The following NKAIN3 variants were observed in gnomAD, a reference collection of about 807,000 sequenced individuals.
NKAIN3 encodes the protein sodium/potassium transporting ATPase interacting 3, also known as sodium/potassium-transporting ATPase subunit beta-1-interacting protein 3.
In NKAIN3, 25 loss-of-function variants were observed where a neutral mutation model predicts 30.2. That is an observed-to-expected ratio of 0.83 (90% confidence interval 0.60 to 1.16). The LOEUF is 1.16. Among genes scored for constraint, NKAIN3 ranks in the 50% most tolerant of loss-of-function variants. The probability of loss-of-function intolerance (pLI) is 0.00; values close to 1 mark genes in which losing one functional copy is unlikely to be tolerated. For missense variants in NKAIN3, 225 were observed against 254.1 expected (o/e 0.89, Z 0.78); for synonymous variants, 91 against 89.6 (o/e 1.02, Z -0.09).
chr8:62,768,029 A>G (rs752203936), intron 4 of NKAIN3, among the ~76,000 whole-genome samples: 51 of 152,286 alleles, frequency 3.3e-4, no homozygotes, highest in Non-Finnish European at 5.7e-4. Flanking sequence ...AACTCACATT[A>G]TATTTCTATT....
At position 62,976,486 on chromosome 8, in the gene NKAIN3, A is replaced by G. The variant is rs1312045429; in HGVS notation, c.*11079A>G. ...TTTTTGTTGGCTTAAAGTCTGTTTT[A>G]CCAGAGGCTAAGATTGCAACCCCTG... On this transcript the variant is annotated 3_prime_UTR_variant, in exon 7 of 7. Transcript: ENST00000623646. Among the ~76,000 whole-genome samples the G allele has an allele frequency of 2.0e-5, 3 of 152,050 alleles. No homozygotes were observed. The East Asian group carries it at 5.8e-4, about 29-fold the overall frequency.
chr8:62,922,165 C>T (rs913788135), intron 5 of NKAIN3, among the ~76,000 whole-genome samples: 9 of 152,110 alleles, frequency 5.9e-5, no homozygotes, highest in Admixed American at 2.0e-4. Context: ...AAACATTTGA[C>T]CCTTGCTATT....
At chr8:62,804,144 C>A (rs1224840632) in intron 4 of NKAIN3, among the ~76,000 whole-genome samples, 1 of 152,132 alleles carries the variant, frequency 6.6e-6, no homozygotes, top group East Asian at 1.9e-4. Flanking sequence ...CAAAAAGAGT[C>A]CAGGACCAGA....
Position 62,782,990 on chromosome 8 carries a change from AC to A in NKAIN3, c.471+35865del, listed in dbSNP as rs200076572. Among the ~76,000 whole-genome samples, 26 of 152,054 alleles carry A rather than the reference AC, an allele frequency of 1.7e-4. No homozygotes were observed. In the East Asian group the frequency reaches 4.6e-3, roughly 27 times the overall value. The stretch of plus-strand genomic sequence containing the variant: ...AGAAATGATACTCAAGGTGATAGAT[AC>A]CCCAAATGCTGACTTGATCATTAAA... On this transcript the variant is annotated intron_variant, in intron 4 of 6. Transcript: ENST00000623646.
chr8:62,929,400 T>C (rs1337719949), intron 5 of NKAIN3, among the ~76,000 whole-genome samples: 1 of 152,258 alleles, frequency 6.6e-6, no homozygotes, highest in Non-Finnish European at 1.5e-5. Flanking sequence ...CTTTGCTCTA[T>C]ATTTGCCTCC....
At chr8:62,728,672 C>CA (rs994356983) in intron 3 of NKAIN3, among the ~76,000 whole-genome samples, 25 of 147,480 alleles carry the variant, frequency 1.7e-4, no homozygotes, top group Middle Eastern at 4.1e-3. Flanking sequence ...TCTCAAAAAA[C>CA]AAAAAAACAA....
chr8:62,397,517 G>C (rs1298006311), intron 1 of NKAIN3, among the ~76,000 whole-genome samples: 1 of 152,072 alleles, frequency 6.6e-6, no homozygotes, highest in Non-Finnish European at 1.5e-5. Flanking sequence ...AATAGAGGTT[G>C]CCTCTAATTG....
chr8:62,942,421 A>G (rs987881774), intron 5 of NKAIN3, among the ~76,000 whole-genome samples: 4 of 151,610 alleles, frequency 2.6e-5, no homozygotes, highest in Non-Finnish European at 5.9e-5. Context: ...ATGGATGCAT[A>G]GAATCAATAT....
chr8:62,869,453 G>C (rs1820524406), intron 4 of NKAIN3, among the ~76,000 whole-genome samples: 1 of 152,158 alleles, frequency 6.6e-6, no homozygotes, highest in Non-Finnish European at 1.5e-5. Flanking sequence ...GTGTTAGTTT[G>C]CTTTTAAAAT....
chr8:62,750,606 C>T (rs1316288501), intron 4 of NKAIN3, among the ~76,000 whole-genome samples: 3 of 152,234 alleles, frequency 2.0e-5, no homozygotes, highest in East Asian at 1.9e-4. Context: ...GGGGGTGCCA[C>T]GTGCATCCTC....
intron 1 of NKAIN3, among the ~76,000 whole-genome samples, chr8:62,269,930 T>C (rs77844777): frequency 0.014 from 2,200 of 152,334 alleles, 48 homozygotes; most frequent in African/African-American, 0.048. Context: ...AAAATTTCCA[T>C]GTACTTTCCT....
At chr8:62,801,095 G>C (rs1227979389) in intron 4 of NKAIN3, among the ~76,000 whole-genome samples, 1 of 152,220 alleles carries the variant, frequency 6.6e-6, no homozygotes, top group Non-Finnish European at 1.5e-5. Flanking sequence ...GGCTTGCTTA[G>C]GTAAACAAAG....
At chr8:62,716,075 T>G (rs1208923351) in intron 3 of NKAIN3, among the ~76,000 whole-genome samples, 1 of 152,172 alleles carries the variant, frequency 6.6e-6, no homozygotes, top group Non-Finnish European at 1.5e-5. Context: ...AAATGGAACA[T>G]CACTCAAGGT....
chr8:62,485,806 G>A (rs893118247), intron 1 of NKAIN3, among the ~76,000 whole-genome samples: 2 of 152,172 alleles, frequency 1.3e-5, no homozygotes, highest in Non-Finnish European at 2.9e-5. Flanking sequence ...CTTTTCTGGA[G>A]GTCAACTTGA....
At chr8:62,803,944 C>T (rs566720461) in intron 4 of NKAIN3, among the ~76,000 whole-genome samples, 1 of 152,266 alleles carries the variant, frequency 6.6e-6, no homozygotes, top group East Asian at 1.9e-4. Context: ...CACCACTGAT[C>T]CCACAGAAAT....
At chr8:62,792,446 G>A (rs1400027911) in intron 4 of NKAIN3, among the ~76,000 whole-genome samples, 2 of 22,570 alleles carry the variant, frequency 8.9e-5, no homozygotes, top group Admixed American at 5.4e-4. Flanking sequence ...CAAGGAAATT[G>A]GACTGTTATT....
chr8:62,629,319 T>A (rs1380361222), intron 3 of NKAIN3, among the ~76,000 whole-genome samples: 2 of 152,152 alleles, frequency 1.3e-5, no homozygotes, highest in Non-Finnish European at 2.9e-5. Context: ...GTGAGTAAGG[T>A]AAGTTAATTA....
chr8:62,758,741 A>T (rs903325033), intron 4 of NKAIN3, among the ~76,000 whole-genome samples: 1 of 152,168 alleles, frequency 6.6e-6, no homozygotes, highest in East Asian at 1.9e-4. Flanking sequence ...AGGTACATAT[A>T]CATGTTTTAA....
chr8:62,857,718 A>G (rs1820104820), intron 4 of NKAIN3, among the ~76,000 whole-genome samples: 2 of 152,128 alleles, frequency 1.3e-5, no homozygotes. Flanking sequence ...TAAACTTGCT[A>G]TTTTGGCTGT....
Sources: gnomAD v4.1 joint callset for allele counts (sites outside exome capture counted in the v4.1 genomes callset) on GRCh38, gnomAD v4.1.1 for gene constraint, MANE v1.5 for transcripts, NCBI Gene and HGNC (gene_info 2026-07-23, HGNC 2026-07-21) for gene names.